The following SCHIP1 variants were observed in gnomAD, a reference collection of about 807,000 sequenced individuals.
SCHIP1 encodes schwannomin interacting protein 1, also known as schwannomin-interacting protein 1.
In SCHIP1, 8 loss-of-function variants were observed where a neutral mutation model predicts 29.7. The observed-to-expected ratio is 0.27, with a 90% confidence interval of 0.16 to 0.49. The LOEUF (loss-of-function observed/expected upper bound fraction) is 0.49, where lower values mean the gene tolerates loss of function less well. Among genes scored for constraint, SCHIP1 ranks in the 20% least tolerant of loss-of-function variants. The pLI, the probability that SCHIP1 is intolerant of heterozygous loss-of-function variation, is 0.99. For synonymous variants in SCHIP1, 76 were observed against 94.9 expected (o/e 0.80, Z 1.16); for missense variants, 193 against 294.6 (o/e 0.66, Z 2.52).
the SCHIP1 span, among the ~76,000 whole-genome samples, chr3:159,638,156 T>A: frequency 6.6e-6 from 1 of 152,210 alleles, no homozygotes; most frequent in African/African-American, 2.4e-5. Context: ...ATACAGACTG[T>A]CCTTGCCTCC....
chr3:159,677,819 C>CA, the SCHIP1 span, among the ~76,000 whole-genome samples: 1 of 152,244 alleles, frequency 6.6e-6, no homozygotes, highest in East Asian at 1.9e-4. Context: ...TCACTATGCA[C>CA]ATCTATAGTT....
At chr3:159,828,406 TACGTATATATAC>T in the SCHIP1 span, among the ~76,000 whole-genome samples, 1,429 of 53,042 alleles carry the variant, frequency 0.027, 21 homozygotes, top group Middle Eastern at 0.053. Context: ...CGTATATATA[TACGTATATATAC>T]GTATATATAT....
chr3:159,427,764 T>C, the SCHIP1 span, among the ~76,000 whole-genome samples: 3 of 152,080 alleles, frequency 2.0e-5, no homozygotes, highest in Non-Finnish European at 2.9e-5. Context: ...AGAACAAAGC[T>C]GGAGGCATCA....
chr3:159,721,708 G>A, the SCHIP1 span: 12 of 373,994 alleles, frequency 3.2e-5, no homozygotes, highest in South Asian at 1.9e-4. Context: ...AAAGTCGGTT[G>A]TGCAGCATAT....
At chr3:159,425,519 C>T in the SCHIP1 span, among the ~76,000 whole-genome samples, 6 of 152,170 alleles carry the variant, frequency 3.9e-5, no homozygotes, top group African/African-American at 1.4e-4. Flanking sequence ...GCGCCCAACA[C>T]AGGAGCACCC....
chr3:159,727,064 T>G, the SCHIP1 span, among the ~76,000 whole-genome samples: 1 of 152,180 alleles, frequency 6.6e-6, no homozygotes, highest in Non-Finnish European at 1.5e-5. Flanking sequence ...TATGAACTAA[T>G]GTCATTAAAG....
At chr3:159,734,432 G>A in the SCHIP1 span, among the ~76,000 whole-genome samples, 1 of 151,818 alleles carries the variant, frequency 6.6e-6, no homozygotes, top group Non-Finnish European at 1.5e-5. Flanking sequence ...GAGCCACAGT[G>A]CCCAGCCCAT....
At chr3:159,327,289 T>C in the SCHIP1 span, among the ~76,000 whole-genome samples, 1 of 152,174 alleles carries the variant, frequency 6.6e-6, no homozygotes, top group East Asian at 1.9e-4. Context: ...ATAGAAATAT[T>C]GATACCTACT....
chr3:159,554,508 G>A, the SCHIP1 span, among the ~76,000 whole-genome samples: 6 of 152,240 alleles, frequency 3.9e-5, no homozygotes, highest in African/African-American at 9.6e-5. Flanking sequence ...TTCTAGCTAG[G>A]TTTAGTCAAT....
the SCHIP1 span, among the ~76,000 whole-genome samples, chr3:159,408,861 T>C: frequency 6.6e-6 from 1 of 152,166 alleles, no homozygotes; most frequent in African/African-American, 2.4e-5. Context: ...CCAATACCCC[T>C]GATAAACATT....
chr3:159,736,445 T>G, the SCHIP1 span, among the ~76,000 whole-genome samples: 2 of 152,232 alleles, frequency 1.3e-5, no homozygotes, highest in Non-Finnish European at 1.5e-5. Flanking sequence ...GAGATCCTAG[T>G]GCAGTTGAAT....
At chr3:159,714,501 G>T in the SCHIP1 span, among the ~76,000 whole-genome samples, 2 of 152,232 alleles carry the variant, frequency 1.3e-5, no homozygotes, top group Non-Finnish European at 2.9e-5. Context: ...GTAGCTAAGG[G>T]AAGCCATGAC....
At chr3:159,305,060 T>C in the SCHIP1 span, among the ~76,000 whole-genome samples, 2 of 152,268 alleles carry the variant, frequency 1.3e-5, no homozygotes, top group Admixed American at 6.5e-5. Flanking sequence ...TTCCCTCTTA[T>C]GCCTGTGACT....
chr3:159,403,049 A>G, the SCHIP1 span, among the ~76,000 whole-genome samples: 1 of 152,216 alleles, frequency 6.6e-6, no homozygotes, highest in Non-Finnish European at 1.5e-5. Context: ...ATCATGGAAG[A>G]CCATGGGCCA....
chr3:159,871,004 A>G (rs1715199567), intron 2 of SCHIP1, among the ~76,000 whole-genome samples: 5 of 151,990 alleles, frequency 3.3e-5, no homozygotes, highest in African/African-American at 9.7e-5. Context: ...ATTTCCTCAG[A>G]TCAGTCTGAT....
At chr3:159,407,021 G>A in the SCHIP1 span, among the ~76,000 whole-genome samples, 2 of 152,086 alleles carry the variant, frequency 1.3e-5, no homozygotes, top group Non-Finnish European at 2.9e-5. Flanking sequence ...CAAAATGACC[G>A]GAGGAGGTCC....
the SCHIP1 span, among the ~76,000 whole-genome samples, chr3:159,542,292 TAC>T: frequency 6.6e-6 from 1 of 152,092 alleles, no homozygotes; most frequent in Non-Finnish European, 1.5e-5. Context: ...GACATATGTA[TAC>T]AGTGTGAACC....
chr3:159,347,993 T>C, the SCHIP1 span, among the ~76,000 whole-genome samples: 1 of 152,330 alleles, frequency 6.6e-6, no homozygotes, highest in South Asian at 2.1e-4. Flanking sequence ...TATTTCACTG[T>C]TTAAACACTG....
At chr3:159,821,632 G>A in the SCHIP1 span, among the ~76,000 whole-genome samples, 20 of 152,222 alleles carry the variant, frequency 1.3e-4, no homozygotes, top group Non-Finnish European at 2.5e-4. Flanking sequence ...AGTGAAACTA[G>A]CACAAATTTA....
Sources: allele counts gnomAD v4.1 joint callset (sites outside exome capture counted in the v4.1 genomes callset), GRCh38; gene constraint gnomAD v4.1.1; transcripts MANE v1.5; gene names NCBI Gene and HGNC (gene_info 2026-07-23, HGNC 2026-07-21).